ZPLD1: variants seen among roughly 807,000 people sequenced by gnomAD.
ZPLD1 encodes zona pellucida like domain containing 1.
A neutral mutation model predicts 47.2 loss-of-function variants in ZPLD1; 34 were observed. The ratio of observed to expected loss-of-function variants is 0.72; its 90% CI spans 0.55 to 0.96. The LOEUF (loss-of-function observed/expected upper bound fraction) is 0.96. Ranked by LOEUF, ZPLD1 falls within the 40% of genes least tolerant of loss-of-function variation. ZPLD1 has a pLI of 0.00. For synonymous variants in ZPLD1, 176 were observed against 186.2 expected, an observed-to-expected ratio of 0.95 and a Z score of 0.45; for missense variants, 512 against 505.8, an observed-to-expected ratio of 1.01 and a Z score of -0.12.
At position 102,470,379 on chromosome 3, in the gene ZPLD1, T is replaced by C. The variant is rs1258393453; in HGVS notation, c.934-15T>C. The C allele has an allele frequency of 8.1e-6, 13 of 1,609,326 alleles. No homozygotes were observed. The highest frequency in any genetic ancestry group is 1.0e-5 in the Non-Finnish European group (12 of 1,175,980). On this transcript the variant is annotated splice_polypyrimidine_tract_variant and intron_variant, in intron 9 of 11. Coordinates refer to ENST00000466937, the MANE Select transcript of ZPLD1 (RefSeq NM_001329788.2). ...CGCCGGTGTGGAATTTCATTTGTTT[T>C]CATTAACACCTCAGATTTGCAGCCA...
intron 8 of ZPLD1, among the ~76,000 whole-genome samples, chr3:102,426,518 C>CAA (rs34182101): frequency 4.5e-4 from 48 of 107,706 alleles, no homozygotes; most frequent in African/African-American, 1.3e-3. Flanking sequence ...AACTCCATCT[C>CAA]AAAAAAAAAA....
chr3:102,418,119 T>C (rs991350056), exon 8 of ZPLD1: 4 of 152,332 alleles, frequency 2.6e-5, no homozygotes, highest in East Asian at 1.9e-4. Context: ...CTGAAAAAGT[T>C]TGGTAAGGTC....
At chr3:102,426,416 G>C (rs1706948662) in intron 8 of ZPLD1, among the ~76,000 whole-genome samples, 1 of 151,962 alleles carries the variant, frequency 6.6e-6, no homozygotes, top group South Asian at 2.1e-4. Context: ...TAGTCAACAG[G>C]CTGAGGCAGG....
upstream of ZPLD1, among the ~76,000 whole-genome samples, chr3:102,430,165 CAA>C (rs1348783511): frequency 1.3e-5 from 2 of 152,084 alleles, no homozygotes; most frequent in Non-Finnish European, 2.9e-5. Flanking sequence ...GACTTTCTTC[CAA>C]AAAAGTTTCA....
In ZPLD1 at chr3:102,412,807, A is replaced by G. The variant is rs1004860792; in HGVS notation, c.-156-5253A>G. On this transcript the variant is annotated intron_variant, in intron 7 of 17. Coordinates refer to the ZPLD1 transcript ENST00000491959. ...TCATTTGACAGGGACATATGTATAT[A>G]TCCCTATATATACACACATATGTGT... 1.3e-4 allele frequency among the ~76,000 whole-genome samples: 19 copies of G among 151,652 alleles called. 1 individual carries two copies. Among genetic ancestry groups the G allele is most frequent in the Non-Finnish European group, 2.5e-4 (17 of 67,792 alleles).
At position 102,428,749 on chromosome 3, in the gene ZPLD1, G is replaced by GTA. The variant is rs139174603; in HGVS notation, c.-8-9717_-8-9716dup. On this transcript the variant is annotated intron_variant, in intron 8 of 17. Transcript: ENST00000491959. ...ATATATGTTATATATATGTGTGTGT[G>GTA]TATATATATATATATGTATATAAAA... Among the ~76,000 whole-genome samples the GTA allele has an allele frequency of 6.8e-3, 1,011 of 148,126 alleles. 5 individuals carry two copies. Among genetic ancestry groups the GTA allele is most frequent in the Non-Finnish European group, 8.4e-3 (559 of 66,862 alleles).
At position 102,479,291 on chromosome 3, in the gene ZPLD1, A is replaced by T. The variant is rs1707804502; in HGVS notation, c.*1673A>T. 2 of 152,194 alleles carry T rather than the reference A, an allele frequency of 1.3e-5. No individual in the cohort carries two copies. The highest frequency in any genetic ancestry group is 6.5e-5 in the Admixed American group (1 of 15,280). 9.4% of individuals were successfully genotyped at this position (152,194 alleles called of 1,614,324 possible). ...TCTGAGCTTTATCTGTGTTAACATGATTAACTGACCATACTACTAATGTGA... is the reference window on the plus strand; with the variant it reads ...TCTGAGCTTTATCTGTGTTAACATGTTTAACTGACCATACTACTAATGTGA... On this transcript the variant is annotated 3_prime_UTR_variant, in exon 12 of 12. Transcript: ENST00000466937.
intron 4 of ZPLD1, among the ~76,000 whole-genome samples, chr3:102,455,976 T>C (rs1221197504): frequency 6.6e-6 from 1 of 152,212 alleles, no homozygotes; most frequent in African/African-American, 2.4e-5. Context: ...TTATAAAGTA[T>C]GAGTAAAGTG....
In ZPLD1 at chr3:102,453,147, T is replaced by A; in HGVS notation, c.327+8T>A. The A allele has an allele frequency of 6.2e-7, 1 of 1,612,090 alleles. No individual in the cohort carries two copies. Among genetic ancestry groups the A allele is most frequent in the Non-Finnish European group, 8.5e-7 (1 of 1,178,282 alleles). On this transcript the variant is annotated splice_region_variant and intron_variant, in intron 4 of 11. Transcript: ENST00000466937. ...TGTGGAAACAACCTGGTGGTAAGAT[T>A]AGTGTGACATTGTGTGCTAGGTCTG...
At chr3:102,446,951 CGTT>C (rs1328619116) in intron 3 of ZPLD1, among the ~76,000 whole-genome samples, 1 of 152,140 alleles carries the variant, frequency 6.6e-6, no homozygotes, top group Non-Finnish European at 1.5e-5. Context: ...TCCTGAAACA[CGTT>C]GTTGATATGA....
rs369272781 is a variant in ZPLD1, at chr3:102,453,095, A to G, written c.283A>G (p.Ile95Val). The G allele has an allele frequency of 5.1e-5, 82 of 1,613,936 alleles. No homozygotes were observed. The highest frequency in any genetic ancestry group is 6.8e-5 in the Non-Finnish European group (80 of 1,179,992). The change falls in exon 4 of 12, where the codon ATC (isoleucine) becomes GTC (valine). Residue 95 changes from isoleucine (I) to valine (V), a missense_variant. By Grantham distance (29) the Ile-to-Val change is conservative. Transcript: ENST00000466937. ...NNTFPAVVIF[I>V]INLSTLEGCG... ...CACCTTTCCAGCAGTGGTCATTTTT[A>G]TCATCAATCTCAGCACCTTGGAGGG...
At chr3:102,442,202 A>G (rs539103251) in intron 3 of ZPLD1, among the ~76,000 whole-genome samples, 10 of 152,152 alleles carry the variant, frequency 6.6e-5, no homozygotes, top group African/African-American at 2.2e-4. Flanking sequence ...ATTTTCAATT[A>G]TATTTGTGTT....
At chr3:102,449,881 G>A (rs1244047526) in intron 3 of ZPLD1, among the ~76,000 whole-genome samples, 2 of 152,092 alleles carry the variant, frequency 1.3e-5, no homozygotes, top group Non-Finnish European at 2.9e-5. Flanking sequence ...TTGGGAATAT[G>A]ATCACTATGT....
chr3:102,467,802 A>G (rs1707619994), intron 8 of ZPLD1, among the ~76,000 whole-genome samples: 1 of 151,674 alleles, frequency 6.6e-6, no homozygotes, highest in Non-Finnish European at 1.5e-5. Context: ...ACAAAATAAC[A>G]TATTGAAAAT....
At chr3:102,453,411 C>A (rs747587492) in intron 4 of ZPLD1, among the ~76,000 whole-genome samples, 5 of 152,182 alleles carry the variant, frequency 3.3e-5, no homozygotes, top group Non-Finnish European at 7.3e-5. Context: ...ACTGACGGAT[C>A]TGTCTCTACA....
intron 8 of ZPLD1, among the ~76,000 whole-genome samples, chr3:102,420,951 T>C (rs537517650): frequency 1.3e-5 from 2 of 152,088 alleles, no homozygotes; most frequent in South Asian, 4.1e-4. Flanking sequence ...AAAATACAGA[T>C]GCTAAATTCA....
chr3:102,452,890 T>C lies in ZPLD1; in HGVS notation c.107-29T>C, dbSNP rs1576156397. 5.0e-6 allele frequency: 8 copies of C among 1,604,678 alleles called. No individual in the cohort carries two copies. In the East Asian group the frequency reaches 1.3e-4, roughly 27 times the overall value. On this transcript the variant is annotated intron_variant, in intron 3 of 11. Transcript: ENST00000466937. The stretch of plus-strand genomic sequence containing the variant: ...TTTATCTTTCTGCTTTTCTGACTTA[T>C]GTTTGTTTTTTATATATTTTTATTT...
intron 3 of ZPLD1, among the ~76,000 whole-genome samples, chr3:102,440,731 G>GAAA (rs77649810): frequency 4.4e-5 from 5 of 112,868 alleles, no homozygotes; most frequent in African/African-American, 1.3e-4. Context: ...TTGTGATTGG[G>GAAA]AAAAAAAAAA....
intron 3 of ZPLD1, among the ~76,000 whole-genome samples, chr3:102,450,899 A>G (rs565460524): frequency 8.2e-4 from 125 of 152,322 alleles, no homozygotes; most frequent in African/African-American, 2.8e-3. Flanking sequence ...TTGCATTTAA[A>G]TAGTTAATGT....
Sources: allele counts gnomAD v4.1 joint callset (sites outside exome capture counted in the v4.1 genomes callset), GRCh38; gene constraint gnomAD v4.1.1; transcripts MANE v1.5; gene names NCBI Gene and HGNC (gene_info 2026-07-23, HGNC 2026-07-21).